GULP1: variants seen among roughly 807,000 people sequenced by gnomAD.
The protein encoded by GULP1 is PTB domain-containing engulfment adapter protein 1.
In GULP1, 19 loss-of-function variants were observed where a neutral mutation model predicts 40.9. The ratio of observed to expected loss-of-function variants is 0.46; its 90% CI spans 0.32 to 0.68. The LOEUF (loss-of-function observed/expected upper bound fraction) is 0.68, where lower values mean the gene tolerates loss of function less well. GULP1 is among the 30% of genes least tolerant of loss of function. The pLI, the probability that GULP1 is intolerant of heterozygous loss-of-function variation, is 0.03. For synonymous variants in GULP1, 119 were observed against 117.6 expected (o/e 1.01, Z -0.08); for missense variants, 312 against 362.2 (o/e 0.86, Z 1.12).
At chr2:188,481,570 C>T (rs1165583377) in intron 3 of GULP1, among the ~76,000 whole-genome samples, 1 of 151,904 alleles carries the variant, frequency 6.6e-6, no homozygotes, top group Admixed American at 6.6e-5. Context: ...GCTTGGTATA[C>T]TCTTTTTAGG....
intron 4 of GULP1, among the ~76,000 whole-genome samples, chr2:188,485,390 A>G (rs1054610215): frequency 6.6e-6 from 1 of 152,072 alleles, no homozygotes; most frequent in Non-Finnish European, 1.5e-5. Context: ...TTTGTCTACT[A>G]TAATATGGCC....
At chr2:188,508,019 A>C (rs1236914549) in intron 4 of GULP1, among the ~76,000 whole-genome samples, 1 of 152,028 alleles carries the variant, frequency 6.6e-6, no homozygotes. Context: ...CAGGCTATTA[A>C]ATTTTTATAA....
Position 188,541,309 on chromosome 2 carries a change from C to T in GULP1, c.390C>T (p.Ser130=), listed in dbSNP as rs564290784. 12 of 1,612,620 alleles carry T rather than the reference C, an allele frequency of 7.4e-6. No homozygotes were observed. In the East Asian group the frequency reaches 8.9e-5, roughly 12 times the overall value. Residue 130 remains serine, a synonymous_variant, in exon 7 of 12, where the codon AGC becomes AGT. Coordinates refer to ENST00000409830, the MANE Select transcript of GULP1 (RefSeq NM_016315.4). ...SNKHLCYVFD[S]EKCAEEITLT... is the part of the protein sequence containing the mutation. The stretch of plus-strand genomic sequence containing the variant: ...AACATTTGTGCTATGTATTTGACAG[C>T]GAAAAGTGTGTAAGTATCCCAGATG...
intron 2 of GULP1, among the ~76,000 whole-genome samples, chr2:188,423,785 GA>G (rs751180893): frequency 1.9e-4 from 29 of 151,714 alleles, no homozygotes; most frequent in Non-Finnish European, 3.4e-4. Context: ...GAATTGAATT[GA>G]AAATAGCATT....
intron 11 of GULP1, chr2:188,591,011 C>T (rs367915124): frequency 1.2e-3 from 188 of 151,994 alleles, no homozygotes; most frequent in African/African-American, 4.3e-3. Flanking sequence ...AAGAAAAATA[C>T]GGACATATAG....
At chr2:188,576,509 C>A (rs577342760) in intron 9 of GULP1, among the ~76,000 whole-genome samples, 2 of 152,124 alleles carry the variant, frequency 1.3e-5, no homozygotes, top group African/African-American at 4.8e-5. Flanking sequence ...ACTCCTATTT[C>A]TCACTTTCTC....
intron 1 of GULP1, among the ~76,000 whole-genome samples, chr2:188,304,390 A>T (rs527257140): frequency 6.6e-6 from 1 of 152,340 alleles, no homozygotes; most frequent in East Asian, 1.9e-4. Context: ...GAGAGTAAAG[A>T]TACAAAGAAT....
intron 1 of GULP1, chr2:188,294,069 T>C (rs370460259): frequency 1.3e-5 from 2 of 152,354 alleles, no homozygotes; most frequent in East Asian, 3.9e-4. Context: ...TGCAGTGGAA[T>C]AGCTGGGGGC....
At chr2:188,529,533 T>C (rs1162334362) in intron 6 of GULP1, among the ~76,000 whole-genome samples, 1 of 152,212 alleles carries the variant, frequency 6.6e-6, no homozygotes, top group African/African-American at 2.4e-5. Context: ...CTGTGTGTTA[T>C]TAAAATATTC....
chr2:188,510,814 A>G (rs1265910702), intron 4 of GULP1, among the ~76,000 whole-genome samples: 1 of 151,422 alleles, frequency 6.6e-6, no homozygotes, highest in Non-Finnish European at 1.5e-5. Context: ...TTTGAGGAAA[A>G]AAAAAAACAA....
intron 2 of GULP1, among the ~76,000 whole-genome samples, chr2:188,447,673 T>G (rs2058506059): frequency 6.6e-6 from 1 of 152,186 alleles, no homozygotes; most frequent in Admixed American, 6.5e-5. Flanking sequence ...AATATTATTT[T>G]GAGAAATAAA....
At chr2:188,542,366 G>A (rs1690743009) in intron 7 of GULP1, among the ~76,000 whole-genome samples, 1 of 151,972 alleles carries the variant, frequency 6.6e-6, no homozygotes, top group Non-Finnish European at 1.5e-5. Flanking sequence ...TATGTCATTT[G>A]TTTATCTAGT....
At chr2:188,384,042 A>C (rs2049339434) in intron 2 of GULP1, among the ~76,000 whole-genome samples, 153 bp downstream of exon 2, 1 of 152,208 alleles carries the variant, frequency 6.6e-6, no homozygotes, top group Non-Finnish European at 1.5e-5. Flanking sequence ...AATTAAAAGC[A>C]CTGATGAGCC....
At chr2:188,477,251 C>T (rs2061089270) in intron 2 of GULP1, among the ~76,000 whole-genome samples, 1 of 152,066 alleles carries the variant, frequency 6.6e-6, no homozygotes, top group South Asian at 2.1e-4. Flanking sequence ...TAGTATATCA[C>T]CTGTCTTTGT....
At chr2:188,419,511 A>G (rs899164821) in intron 2 of GULP1, among the ~76,000 whole-genome samples, 4 of 150,760 alleles carry the variant, frequency 2.7e-5, no homozygotes, top group Admixed American at 2.0e-4. Context: ...TTTGGAAAAA[A>G]TGTCTATTCA....
At chr2:188,373,371 G>A (rs572382166) in intron 1 of GULP1, among the ~76,000 whole-genome samples, 7 of 151,826 alleles carry the variant, frequency 4.6e-5, no homozygotes, top group African/African-American at 1.4e-4. Flanking sequence ...TACATTTTTG[G>A]TTCTTTATAT....
intron 4 of GULP1, among the ~76,000 whole-genome samples, chr2:188,504,954 T>G (rs2063766634): frequency 6.6e-6 from 1 of 151,796 alleles, no homozygotes. Flanking sequence ...CTTTGTTGTT[T>G]TTTTTTTGCT....
chr2:188,543,057 A>G (rs1355013449), intron 7 of GULP1, among the ~76,000 whole-genome samples: 1 of 152,084 alleles, frequency 6.6e-6, no homozygotes, highest in Non-Finnish European at 1.5e-5. Context: ...TTTAAAATAT[A>G]AGTTTGCCAC....
intron 2 of GULP1, among the ~76,000 whole-genome samples, chr2:188,440,874 A>G (rs1036276962): frequency 2.6e-5 from 4 of 152,194 alleles, no homozygotes; most frequent in Admixed American, 6.5e-5. Context: ...ATTTCTGTCA[A>G]TATCAAGATG....
Sources: gnomAD v4.1 joint callset for allele counts (sites outside exome capture counted in the v4.1 genomes callset) on GRCh38, gnomAD v4.1.1 for gene constraint, MANE v1.5 for transcripts, NCBI Gene and HGNC (gene_info 2026-07-23, HGNC 2026-07-21) for gene names.